LRRTM4: variants seen among roughly 807,000 people sequenced by gnomAD.
LRRTM4 encodes the protein leucine-rich repeat transmembrane neuronal protein 4.
Under a neutral mutation model 47.6 loss-of-function variants are expected in LRRTM4, and 25 were observed. That is an observed-to-expected ratio of 0.53 (90% confidence interval 0.38 to 0.73). The LOEUF (loss-of-function observed/expected upper bound fraction) is 0.73, where lower values mean the gene tolerates loss of function less well. LRRTM4 is among the 30% of genes least tolerant of loss of function. The pLI is 0.00. For synonymous variants in LRRTM4, 311 were observed against 269.5 expected (o/e 1.15, Z -1.51); for missense variants, 638 against 713.4 (o/e 0.89, Z 1.20).
At chr2:77,433,110 T>C (rs1675450688) in intron 3 of LRRTM4, among the ~76,000 whole-genome samples, 1 of 152,206 alleles carries the variant, frequency 6.6e-6, no homozygotes, top group African/African-American at 2.4e-5. Context: ...TCAGGTAGGT[T>C]AGTTTTAAGA....
chr2:77,385,475 T>A (rs1304560350), intron 3 of LRRTM4, among the ~76,000 whole-genome samples: 1 of 152,172 alleles, frequency 6.6e-6, no homozygotes, highest in Non-Finnish European at 1.5e-5. Flanking sequence ...TCTTTGCTTC[T>A]TAATTAACCC....
intron 3 of LRRTM4, among the ~76,000 whole-genome samples, chr2:77,485,566 G>C (rs1397677966): frequency 6.6e-6 from 1 of 152,278 alleles, no homozygotes; most frequent in East Asian, 1.9e-4. Flanking sequence ...AGATTAAAAA[G>C]AGGTTAGGAA....
chr2:77,189,822 T>C (rs1023969266), intron 3 of LRRTM4, among the ~76,000 whole-genome samples: 20 of 152,250 alleles, frequency 1.3e-4, no homozygotes, highest in African/African-American at 4.8e-4. Context: ...CATATAGTTA[T>C]ATACATAACT....
At chr2:77,364,092 C>A (rs1425532928) in intron 3 of LRRTM4, among the ~76,000 whole-genome samples, 2 of 150,848 alleles carry the variant, frequency 1.3e-5, no homozygotes, top group Non-Finnish European at 2.9e-5. Flanking sequence ...CTCTTCTCAA[C>A]CATATATTTA....
At chr2:77,051,745 A>G (rs1573503495) in intron 3 of LRRTM4, among the ~76,000 whole-genome samples, 1 of 152,198 alleles carries the variant, frequency 6.6e-6, no homozygotes, top group East Asian at 1.9e-4. Context: ...AACTATTTAC[A>G]TAAAGACAAA....
At chr2:76,758,362 C>T (rs1673137405) in intron 3 of LRRTM4, among the ~76,000 whole-genome samples, 1 of 152,040 alleles carries the variant, frequency 6.6e-6, no homozygotes, top group Non-Finnish European at 1.5e-5. Context: ...TTGCATATCC[C>T]ATGGTAAAAG....
At chr2:76,980,047 A>AT (rs1319123986) in intron 3 of LRRTM4, among the ~76,000 whole-genome samples, 4 of 152,036 alleles carry the variant, frequency 2.6e-5, no homozygotes, top group Non-Finnish European at 4.4e-5. Context: ...CCTTCTTTGG[A>AT]TTTTATATAA....
intron 3 of LRRTM4, among the ~76,000 whole-genome samples, chr2:77,001,965 G>A (rs949420385): frequency 3.3e-5 from 5 of 152,048 alleles, no homozygotes; most frequent in African/African-American, 1.2e-4. Context: ...ATGTTCATTT[G>A]GAGCCTTCTC....
At chr2:76,865,182 T>C (rs2104025233) in intron 3 of LRRTM4, among the ~76,000 whole-genome samples, 1 of 152,284 alleles carries the variant, frequency 6.6e-6, no homozygotes, top group Non-Finnish European at 1.5e-5. Context: ...TGTTTGCCTT[T>C]CTTTCTCTTT....
At chr2:77,230,088 A>C (rs1168241106) in intron 3 of LRRTM4, among the ~76,000 whole-genome samples, 2 of 152,146 alleles carry the variant, frequency 1.3e-5, no homozygotes, top group African/African-American at 4.8e-5. Flanking sequence ...TTATTGACAC[A>C]TAAAAGGTAC....
chr2:76,779,632 T>G (rs1208014598), intron 3 of LRRTM4, among the ~76,000 whole-genome samples: 2 of 151,346 alleles, frequency 1.3e-5, no homozygotes, highest in Non-Finnish European at 2.9e-5. Flanking sequence ...TCCTCCATCC[T>G]TTTATTTTGA....
At chr2:77,513,209 T>C (rs1178140725) in intron 3 of LRRTM4, among the ~76,000 whole-genome samples, 2 of 152,186 alleles carry the variant, frequency 1.3e-5, no homozygotes, top group Non-Finnish European at 2.9e-5. Context: ...AAAGAAATTG[T>C]ATGGCTGCTC....
At chr2:77,097,308 T>C (rs1359870201) in intron 3 of LRRTM4, among the ~76,000 whole-genome samples, 2 of 152,014 alleles carry the variant, frequency 1.3e-5, no homozygotes, top group East Asian at 3.8e-4. Flanking sequence ...TACAGATCTT[T>C]AAGTAATGTT....
chr2:77,001,050 G>T (rs369331741), intron 3 of LRRTM4, among the ~76,000 whole-genome samples: 4 of 152,102 alleles, frequency 2.6e-5, no homozygotes, highest in African/African-American at 4.8e-5. Flanking sequence ...AAGCCCAAAG[G>T]ATACAAAAAT....
chr2:76,913,234 A>G (rs975529906), intron 3 of LRRTM4, among the ~76,000 whole-genome samples: 1 of 152,144 alleles, frequency 6.6e-6, no homozygotes, highest in East Asian at 1.9e-4. Context: ...CAGATGTTAT[A>G]TATTAGAAAC....
chr2:77,436,424 T>A (rs1675604348), intron 3 of LRRTM4, among the ~76,000 whole-genome samples: 1 of 151,954 alleles, frequency 6.6e-6, no homozygotes, highest in Non-Finnish European at 1.5e-5. Context: ...TTATATGTGA[T>A]TTTTATAATC....
intron 3 of LRRTM4, among the ~76,000 whole-genome samples, chr2:77,197,974 G>A (rs1310607471): frequency 6.6e-6 from 1 of 152,110 alleles, no homozygotes; most frequent in Non-Finnish European, 1.5e-5. Flanking sequence ...AAGAGACAAA[G>A]AAATAAACAC....
intron 3 of LRRTM4, among the ~76,000 whole-genome samples, chr2:76,923,621 C>T (rs1674501765): frequency 6.6e-6 from 1 of 151,950 alleles, no homozygotes. Context: ...ACTCCTCTAC[C>T]CACATATTCT....
intron 3 of LRRTM4, among the ~76,000 whole-genome samples, chr2:76,808,474 A>C (rs1436165795): frequency 6.6e-6 from 1 of 151,944 alleles, no homozygotes; most frequent in East Asian, 1.9e-4. Flanking sequence ...TAGACCTATA[A>C]AGGAGAGACA....
Sources: gnomAD v4.1 joint callset for allele counts (sites outside exome capture counted in the v4.1 genomes callset) on GRCh38, gnomAD v4.1.1 for gene constraint, MANE v1.5 for transcripts, NCBI Gene and HGNC (gene_info 2026-07-23, HGNC 2026-07-21) for gene names.